The following FAAH2 variants were observed in gnomAD, a reference collection of about 807,000 sequenced individuals.
FAAH2 encodes fatty acid amide hydrolase 2, also known as fatty-acid amide hydrolase 2.
In FAAH2, 60 loss-of-function variants were observed where a neutral mutation model predicts 36.9. The observed-to-expected ratio is 1.63, with a 90% confidence interval of 1.32 to 2.02. The LOEUF is 2.02. FAAH2 is among the 30% of genes most tolerant of loss of function. FAAH2 has a pLI of 0.00. For synonymous variants in FAAH2, 214 were observed against 143.8 expected (o/e 1.49, Z -3.49); for missense variants, 689 against 397.5 (o/e 1.73, Z -6.23).
chrX:57,169,890 A>T, the FAAH2 span, among the ~76,000 whole-genome samples: 2 of 108,824 alleles, frequency 1.8e-5, no homozygotes, highest in Non-Finnish European at 3.8e-5. Context: ...ACACACACAC[A>T]CACAAACACA....
At chrX:57,291,524 T>A (rs2051984033) in intron 1 of FAAH2, among the ~76,000 whole-genome samples, 1 of 112,220 alleles carries the variant, frequency 8.9e-6, no homozygotes, top group African/African-American at 3.2e-5. Flanking sequence ...CCAAATTTAA[T>A]GCTTTTGCCC....
intron 3 of FAAH2, among the ~76,000 whole-genome samples, chrX:57,324,839 C>T (rs1055363605): frequency 1.8e-5 from 2 of 111,878 alleles, no homozygotes; most frequent in Admixed American, 9.5e-5. Flanking sequence ...ATTTCCTTCT[C>T]CTGCCTAATT....
intron 7 of FAAH2, among the ~76,000 whole-genome samples, chrX:57,392,283 C>A (rs1468204600): frequency 9.0e-6 from 1 of 111,384 alleles, no homozygotes; most frequent in East Asian, 2.8e-4. Flanking sequence ...AAATTTGGAT[C>A]CCTTTCCTCT....
the FAAH2 span, chrX:57,127,245 T>C: frequency 9.0e-6 from 1 of 111,228 alleles, no homozygotes; most frequent in African/African-American, 3.3e-5. Context: ...CCAGCTCCCA[T>C]ATCAGGAAAT....
At chrX:57,161,860 A>C in the FAAH2 span, among the ~76,000 whole-genome samples, 1 of 111,482 alleles carries the variant, frequency 9.0e-6, no homozygotes, top group Non-Finnish European at 1.9e-5. Flanking sequence ...GTCCATTTAC[A>C]TTTAAAGTTA....
chrX:57,191,644 C>T, the FAAH2 span, among the ~76,000 whole-genome samples: 21 of 111,689 alleles, frequency 1.9e-4, no homozygotes, highest in Non-Finnish European at 3.2e-4. Context: ...TCTTTAGTTC[C>T]TTTTGATTTG....
chrX:57,406,502 A>G (rs2055570745), intron 7 of FAAH2, among the ~76,000 whole-genome samples: 1 of 111,987 alleles, frequency 8.9e-6, no homozygotes, highest in Admixed American at 9.4e-5. Context: ...TGATATGCTG[A>G]GATCTTAGGG....
Position 57,387,331 on chromosome X carries a change from A to T in FAAH2, c.996+6302A>T, listed in dbSNP as rs1017942768. On this transcript the variant is annotated intron_variant, in intron 7 of 10. Transcript: ENST00000374900. Reference sequence around the variant, plus strand: ...CAAATCAATAATTATTTATAGATTAAGATATGAGTATATTCTTGTAAAACT... The same window carrying T: ...CAAATCAATAATTATTTATAGATTATGATATGAGTATATTCTTGTAAAACT... Among the ~76,000 whole-genome samples the T allele has an allele frequency of 2.7e-5, 3 of 111,684 alleles. No individual in the cohort carries two copies. In the South Asian group the frequency reaches 1.1e-3, roughly 42 times the overall value.
rs1211137824 is a variant in FAAH2, at chrX:57,407,580, T to C, written c.997-24338T>C. Among the ~76,000 whole-genome samples, 3 of 111,963 alleles carry C rather than the reference T, an allele frequency of 2.7e-5. No homozygotes were observed. The East Asian group carries it at 8.5e-4, about 32-fold the overall frequency. ...TGTACCCTAGCTTATTCTGTAGCTC[T>C]CTGAGAGTTTTTGGCACTCTTCCCT... On this transcript the variant is annotated intron_variant, in intron 7 of 10. Transcript: ENST00000374900.
At chrX:57,452,927 C>T (rs1224446856) in intron 10 of FAAH2, among the ~76,000 whole-genome samples, 2 of 112,086 alleles carry the variant, frequency 1.8e-5, no homozygotes, top group Non-Finnish European at 3.8e-5. Flanking sequence ...AGGTACAAAA[C>T]TTTCACACTG....
intron 2 of FAAH2, among the ~76,000 whole-genome samples, chrX:57,303,106 G>A (rs2052424838): frequency 1.8e-5 from 2 of 111,454 alleles, no homozygotes; most frequent in South Asian, 3.8e-4. Context: ...CATACTTAAG[G>A]CACTACCTTT....
the FAAH2 span, among the ~76,000 whole-genome samples, chrX:57,169,588 A>G: frequency 1.7e-5 from 1 of 57,968 alleles, no homozygotes; most frequent in African/African-American, 8.4e-5. Flanking sequence ...TGGTGTTTTT[A>G]AGATGTGACT....
At chrX:57,163,728 G>T in the FAAH2 span, among the ~76,000 whole-genome samples, 2 of 112,043 alleles carry the variant, frequency 1.8e-5, no homozygotes, top group African/African-American at 6.5e-5. Context: ...GCTCGCACAC[G>T]ATGCGTGCAC....
At chrX:57,427,733 A>G (rs987652619) in intron 7 of FAAH2, among the ~76,000 whole-genome samples, 1 of 111,699 alleles carries the variant, frequency 9.0e-6, no homozygotes, top group Non-Finnish European at 1.9e-5. Context: ...TTTAAAAACT[A>G]GGCATAGAAG....
chrX:57,392,936 G>A (rs1344975619), intron 7 of FAAH2: 3 of 902,859 alleles, frequency 3.3e-6, no homozygotes, highest in Non-Finnish European at 4.9e-6. Flanking sequence ...ATTCAATGTT[G>A]TCTGCTCCAT....
chrX:57,282,771 A>G (rs927403898), upstream of FAAH2, among the ~76,000 whole-genome samples: 1 of 111,957 alleles, frequency 8.9e-6, no homozygotes. Context: ...TTGCTTAGCC[A>G]TGTGGCTCGC....
the FAAH2 span, among the ~76,000 whole-genome samples, chrX:57,214,846 C>A: frequency 9.0e-6 from 1 of 111,187 alleles, no homozygotes; most frequent in Non-Finnish European, 1.9e-5. Flanking sequence ...AAATTCCCTT[C>A]ATTATTTGGT....
At chrX:57,167,392 C>G in the FAAH2 span, among the ~76,000 whole-genome samples, 1 of 111,118 alleles carries the variant, frequency 9.0e-6, no homozygotes, top group Non-Finnish European at 1.9e-5. Flanking sequence ...TTACCCCCTT[C>G]CAAACAGTAA....
chrX:57,400,174 A>G (rs947052513), intron 7 of FAAH2, among the ~76,000 whole-genome samples: 3 of 112,418 alleles, frequency 2.7e-5, no homozygotes, highest in African/African-American at 9.7e-5. Flanking sequence ...ATATTTAAGC[A>G]AACGGTTGTC....
Sources: allele counts gnomAD v4.1 joint callset (sites outside exome capture counted in the v4.1 genomes callset), GRCh38; gene constraint gnomAD v4.1.1; transcripts MANE v1.5; gene names NCBI Gene and HGNC (gene_info 2026-07-23, HGNC 2026-07-21).